The following CSMD1 variants were observed in gnomAD, a reference collection of about 807,000 sequenced individuals.
CSMD1 encodes the protein CUB and Sushi multiple domains 1, also known as CUB and sushi domain-containing protein 1.
In CSMD1, 213 loss-of-function variants were observed where a neutral mutation model predicts 417.5. The ratio of observed to expected loss-of-function variants is 0.51; its 90% confidence interval spans 0.46 to 0.57. The LOEUF (loss-of-function observed/expected upper bound fraction) is 0.57. Among genes scored for constraint, CSMD1 ranks in the 20% least tolerant of loss-of-function variants. The pLI, the probability that CSMD1 is intolerant of heterozygous loss-of-function variation, is 0.00. For missense variants in CSMD1, 6,923 were observed against 4,529.7 expected, an observed-to-expected ratio of 1.53 and a Z score of -15.17; for synonymous variants, 2,862 against 1,736.8, an observed-to-expected ratio of 1.65 and a Z score of -16.11.
chr8:3,327,425 G>A (rs772550180), intron 23 of CSMD1, among the ~76,000 whole-genome samples: 3 of 152,104 alleles, frequency 2.0e-5, no homozygotes, highest in Admixed American at 6.6e-5. Context: ...GAGCCACCTC[G>A]TCCGGCCTAC....
chr8:3,312,468 A>G (rs1805424820), intron 23 of CSMD1, among the ~76,000 whole-genome samples: 1 of 152,156 alleles, frequency 6.6e-6, no homozygotes, highest in Non-Finnish European at 1.5e-5. Context: ...CTTTCCTGTC[A>G]GAAAGTTGAA....
intron 3 of CSMD1, among the ~76,000 whole-genome samples, chr8:4,052,991 G>A (rs1372282085): frequency 6.6e-6 from 1 of 152,160 alleles, no homozygotes. Context: ...CTTACTCTCA[G>A]CTAAAGAAGT....
At chr8:4,656,757 G>A (rs1020016441) in intron 1 of CSMD1, among the ~76,000 whole-genome samples, 1 of 151,938 alleles carries the variant, frequency 6.6e-6, no homozygotes, top group Non-Finnish European at 1.5e-5. Context: ...TGCCGCAGGA[G>A]GCAGTGGCAG....
chr8:4,711,937 C>T (rs1267061174), intron 1 of CSMD1, among the ~76,000 whole-genome samples: 1 of 152,154 alleles, frequency 6.6e-6, no homozygotes, highest in Non-Finnish European at 1.5e-5. Flanking sequence ...AGCTGGCTGG[C>T]TACTGTGCAC....
intron 15 of CSMD1, among the ~76,000 whole-genome samples, chr8:3,400,507 T>C (rs57456437): frequency 0.026 from 3,993 of 152,174 alleles, 178 homozygotes; most frequent in African/African-American, 0.09. Context: ...GATTTACCAA[T>C]AGTATCTTAA....
chr8:3,096,056 C>A (rs1487422853), intron 47 of CSMD1, among the ~76,000 whole-genome samples: 2 of 151,894 alleles, frequency 1.3e-5, no homozygotes, highest in Non-Finnish European at 2.9e-5. Context: ...GACAAAAATA[C>A]CTCTAGGCCT....
At chr8:4,412,997 G>C (rs191289695) in intron 3 of CSMD1, among the ~76,000 whole-genome samples, 2 of 152,316 alleles carry the variant, frequency 1.3e-5, no homozygotes, top group Admixed American at 1.3e-4. Context: ...CAGTAGTTAT[G>C]AGATTTTTGA....
At chr8:3,297,373 C>G (rs1051816502) in intron 25 of CSMD1, among the ~76,000 whole-genome samples, 1 of 151,970 alleles carries the variant, frequency 6.6e-6, no homozygotes, top group Non-Finnish European at 1.5e-5. Flanking sequence ...TCACAGTGAT[C>G]TATATGAAGA....
At chr8:4,182,876 C>G (rs1584975238) in intron 3 of CSMD1, among the ~76,000 whole-genome samples, 1 of 151,998 alleles carries the variant, frequency 6.6e-6, no homozygotes, top group South Asian at 2.1e-4. Context: ...AACTCAGAGT[C>G]TAGAACTGTA....
chr8:4,918,805 G>C (rs1438592422), intron 1 of CSMD1, among the ~76,000 whole-genome samples: 1 of 152,014 alleles, frequency 6.6e-6, no homozygotes, highest in African/African-American at 2.4e-5. Flanking sequence ...AAACACACTT[G>C]TGAATATGTA....
Position 3,108,715 on chromosome 8 carries a change from T to C in CSMD1, c.6642A>G (p.Gly2214=). The C allele has an allele frequency of 6.2e-7, 1 of 1,613,468 alleles. No individual in the cohort carries two copies. The highest frequency in any genetic ancestry group is 8.5e-7 in the Non-Finnish European group (1 of 1,179,682). The change falls in exon 44 of 70, where the codon GGA becomes GGG. Residue 2214 remains glycine (G), a synonymous_variant. Transcript: ENST00000635120. ...DGPDQNSPQL[G]VFSGNTALET... ...CGAGGGCTGTGTTGCCACTGAAAAC[T>C]CCCAGCTGGGGTGAGTTCTGATCGG... is the stretch of plus-strand genomic sequence containing the variant.
At chr8:4,409,364 C>T (rs966891213) in intron 3 of CSMD1, among the ~76,000 whole-genome samples, 1 of 152,068 alleles carries the variant, frequency 6.6e-6, no homozygotes, top group Non-Finnish European at 1.5e-5. Context: ...CTCGAATTGC[C>T]TCAGACTAAC....
chr8:3,377,494 C>T lies in CSMD1; in HGVS notation c.2783-8124G>A, dbSNP rs572563664. Among the ~76,000 whole-genome samples the T allele has an allele frequency of 2.4e-4, 36 of 152,198 alleles. 1 individual carries two copies. The East Asian group carries it at 3.9e-3, about 16-fold the overall frequency. The stretch of plus-strand genomic sequence containing the variant: ...GTACTTTTATTTTCTATGGAAAATG[C>T]CACCCATATAACTGGCATCCCTATA... On this transcript the variant is annotated intron_variant, in intron 18 of 69. Coordinates refer to ENST00000635120, the MANE Select transcript of CSMD1 (RefSeq NM_033225.6).
chr8:4,785,085 T>A (rs1349574857), intron 1 of CSMD1, among the ~76,000 whole-genome samples: 1 of 152,206 alleles, frequency 6.6e-6, no homozygotes, highest in East Asian at 1.9e-4. Context: ...AAGGAATCTC[T>A]CTGGGTCATG....
intron 23 of CSMD1, among the ~76,000 whole-genome samples, chr8:3,314,308 T>C (rs1805586359): frequency 6.6e-6 from 1 of 152,200 alleles, no homozygotes; most frequent in South Asian, 2.1e-4. Flanking sequence ...TACAAAGATA[T>C]TCTTCCAAAT....
chr8:4,042,868 C>G (rs1372760426), intron 3 of CSMD1, among the ~76,000 whole-genome samples: 1 of 135,314 alleles, frequency 7.4e-6, no homozygotes, highest in Non-Finnish European at 1.5e-5. Flanking sequence ...TGGCTCATGC[C>G]TATAATCCCA....
chr8:4,548,827 T>C lies in CSMD1; in HGVS notation c.302+88515A>G, dbSNP rs576130978. Among the ~76,000 whole-genome samples the C allele has an allele frequency of 1.7e-3, 263 of 152,270 alleles. 1 individual carries two copies. The highest frequency in any genetic ancestry group is 2.6e-3 in the Non-Finnish European group (177 of 68,020). ...ACAACCTGATATATGGAGAGCATAC[T>C]GCCTTGGTCTTGGGGGGACATGTGA... is the stretch of plus-strand genomic sequence containing the variant. On this transcript the variant is annotated intron_variant, in intron 2 of 69. Transcript: ENST00000635120.
intron 2 of CSMD1, among the ~76,000 whole-genome samples, chr8:4,439,672 A>G (rs1308179270): frequency 1.3e-5 from 2 of 152,198 alleles, no homozygotes; most frequent in African/African-American, 4.8e-5. Flanking sequence ...GCGTACTATG[A>G]AAATGTGTGC....
intron 8 of CSMD1, among the ~76,000 whole-genome samples, chr8:3,612,997 T>G (rs906369821): frequency 1.3e-5 from 2 of 151,950 alleles, no homozygotes; most frequent in African/African-American, 4.8e-5. Flanking sequence ...TAAATTGTAT[T>G]TTTTTGAGAA....
Sources: gnomAD v4.1 joint callset for allele counts (sites outside exome capture counted in the v4.1 genomes callset) on GRCh38, gnomAD v4.1.1 for gene constraint, MANE v1.5 for transcripts, NCBI Gene and HGNC (gene_info 2026-07-23, HGNC 2026-07-21) for gene names.